Variants in ARL17B observed in about 807,000 individuals in gnomAD.
The protein encoded by ARL17B is ADP-ribosylation factor-like protein 17.
intron 4 of ARL17B, among the ~76,000 whole-genome samples, chr17:46,283,280 G>A (rs567114004): frequency 1.3e-5 from 2 of 152,334 alleles, no homozygotes; most frequent in East Asian, 3.9e-4. Flanking sequence ...TGAGACTTCT[G>A]AAAAAACTTC....
chr17:46,287,784 G>A (rs1376800105), intron 4 of ARL17B, among the ~76,000 whole-genome samples: 2 of 152,240 alleles, frequency 1.3e-5, no homozygotes, highest in Non-Finnish European at 2.9e-5. Flanking sequence ...TGTCTACACT[G>A]CTTGGCAGGG....
At chr17:46,277,907 G>A (rs2143311819) in intron 4 of ARL17B, among the ~76,000 whole-genome samples, 1 of 151,990 alleles carries the variant, frequency 6.6e-6, no homozygotes, top group Non-Finnish European at 1.5e-5. Flanking sequence ...TCCCAAAAGT[G>A]CTAGGATTAC....
chr17:46,291,909 T>A (rs530734598), intron 4 of ARL17B, among the ~76,000 whole-genome samples: 1 of 145,678 alleles, frequency 6.9e-6, no homozygotes, highest in African/African-American at 2.6e-5. Flanking sequence ...TGCGATGGGG[T>A]GTGATTGCAC....
intron 4 of ARL17B, among the ~76,000 whole-genome samples, chr17:46,286,445 C>T (rs2049913972): frequency 6.6e-6 from 1 of 152,194 alleles, no homozygotes; most frequent in South Asian, 2.1e-4. Flanking sequence ...AAAGCTTATA[C>T]CCAAATTAGT....
rs901930198 is a variant in ARL17B at position 46,308,139 on chromosome 17, A to C, written c.260-8474T>G. Among the ~76,000 whole-genome samples, 5 of 55,400 alleles carry C rather than the reference A, an allele frequency of 9.0e-5. 1 individual carries two copies. The highest frequency in any genetic ancestry group is 1.1e-4 in the Non-Finnish European group (2 of 18,770). The allele number at this position is 55,400 out of a possible 152,430, so 36.3% of individuals were successfully genotyped here. The stretch of plus-strand genomic sequence containing the variant: ...TAAAAATTAATGAATTCACTCAAAA[A>C]CATTCAGAGTGTCATGTCCATTTGT... On this transcript the variant is annotated intron_variant, in intron 3 of 4. Coordinates refer to the ARL17B transcript ENST00000434041.
chr17:46,340,377 G>A (rs1175780921), intron 3 of ARL17B, among the ~76,000 whole-genome samples: 2 of 63,894 alleles, frequency 3.1e-5, no homozygotes, highest in African/African-American at 1.1e-4. Flanking sequence ...CACCATGCCC[G>A]GCTAATTTTT....
chr17:46,315,475 C>T (rs2051037727), intron 3 of ARL17B, among the ~76,000 whole-genome samples: 2 of 126,098 alleles, frequency 1.6e-5, no homozygotes, highest in African/African-American at 6.0e-5. Flanking sequence ...TGCAGTGAGC[C>T]ATGATTGTTC....
In ARL17B at chr17:46,351,410, T is replaced by TTA. The variant is rs1447468852; in HGVS notation, c.259+1408_259+1409dup. Among the ~76,000 whole-genome samples the TTA allele has an allele frequency of 6.7e-4, 39 of 57,856 alleles. 4 individuals are homozygous for TTA. Among genetic ancestry groups the TTA allele is most frequent in the Middle Eastern group, 0.013 (1 of 78 alleles). The allele number at this position is 57,856 out of a possible 152,430, so 38.0% of individuals were successfully genotyped here. On this transcript the variant is annotated intron_variant, in intron 3 of 3. Coordinates refer to ENST00000450673, the MANE Select transcript of ARL17B (RefSeq NM_001039083.5). ...GAGATGTTATAATAGCATGAAGATT[T>TTA]TATATATATATATATGCCTTATCAG...
chr17:46,304,930 G>A (rs1465070193), intron 3 of ARL17B, among the ~76,000 whole-genome samples: 1 of 67,794 alleles, frequency 1.5e-5, no homozygotes, highest in Non-Finnish European at 4.6e-5. Flanking sequence ...GTGCAGTGGT[G>A]CGATCTCGGC....
chr17:46,279,184 C>CTTTT (rs1189159774), intron 4 of ARL17B, among the ~76,000 whole-genome samples: 5 of 136,990 alleles, frequency 3.6e-5, no homozygotes, highest in African/African-American at 5.5e-5. Context: ...TCTTTTTTTT[C>CTTTT]TTTTTTTTTT....
chr17:46,288,351 C>T (rs1187716376), intron 4 of ARL17B, among the ~76,000 whole-genome samples: 1 of 149,492 alleles, frequency 6.7e-6, no homozygotes, highest in Non-Finnish European at 1.5e-5. Context: ...CTCTGTCTCC[C>T]AGGCTGGAGT....
In ARL17B at chr17:46,287,702, T is replaced by A. The variant is rs1356916285; in HGVS notation, c.*21+11824A>T. Among the ~76,000 whole-genome samples, 3 of 152,214 alleles carry A rather than the reference T, an allele frequency of 2.0e-5. No individual in the cohort carries two copies. In the East Asian group the frequency reaches 5.8e-4, roughly 29 times the overall value. On this transcript the variant is annotated intron_variant, in intron 4 of 4. Coordinates refer to the ARL17B transcript ENST00000570618. ...CTGGCTAGTTAACGGGTAGGGAACG[T>A]GGAAGGAGCTGCTTCAGTTCAACAT... is the stretch of plus-strand genomic sequence containing the variant.
chr17:46,291,620 T>C (rs1326597279), intron 4 of ARL17B, among the ~76,000 whole-genome samples: 1 of 151,504 alleles, frequency 6.6e-6, no homozygotes, highest in African/African-American at 2.4e-5. Flanking sequence ...AAATGTGTAA[T>C]ATGAAAAAAA....
intron 4 of ARL17B, among the ~76,000 whole-genome samples, chr17:46,275,621 C>T (rs1256367489): frequency 1.3e-5 from 2 of 152,182 alleles, no homozygotes; most frequent in Non-Finnish European, 2.9e-5. Context: ...TAATAGCTCA[C>T]TGGAAAAAGC....
chr17:46,293,640 G>T, intron 4 of ARL17B: 1 of 234,104 alleles, frequency 4.3e-6, no homozygotes, highest in Non-Finnish European at 6.2e-6. Context: ...ATTTCAGTGG[G>T]AACTTAACTT....
At chr17:46,275,878 C>T (rs2049572262) in intron 4 of ARL17B, among the ~76,000 whole-genome samples, 1 of 151,814 alleles carries the variant, frequency 6.6e-6, no homozygotes, top group Admixed American at 6.6e-5. Context: ...CCCAGTTTCA[C>T]ACAGTTTTAT....
intron 3 of ARL17B, 83 bp downstream of exon 3, chr17:46,352,736 CA>C (rs1467957908): frequency 2.6e-6 from 1 of 380,914 alleles, no homozygotes; most frequent in East Asian, 4.2e-5. Flanking sequence ...TAGAGCAGAG[CA>C]CCAGAAGGTA....
At chr17:46,298,703 G>A (rs1356123722), downstream of ARL17B, among the ~76,000 whole-genome samples, 3 of 101,630 alleles carry the variant, frequency 3.0e-5, no homozygotes, top group South Asian at 3.9e-4. Context: ...CAGCCTGGGC[G>A]ACAGAGCAAG....
At chr17:46,289,998 A>G (rs190314831) in intron 4 of ARL17B, among the ~76,000 whole-genome samples, 49 of 152,362 alleles carry the variant, frequency 3.2e-4, no homozygotes, top group Middle Eastern at 3.4e-3. Flanking sequence ...GCATGCCTGT[A>G]GTGCCAACTA....
Sources: allele counts gnomAD v4.1 joint callset (sites outside exome capture counted in the v4.1 genomes callset), GRCh38; gene constraint gnomAD v4.1.1; transcripts MANE v1.5; gene names NCBI Gene and HGNC (gene_info 2026-07-23, HGNC 2026-07-21).